Variants in TLR2 observed in about 807,000 individuals in gnomAD.
TLR2 encodes the protein toll like receptor 2.
A neutral mutation model predicts 9.1 loss-of-function variants in TLR2; 7 were observed. The observed-to-expected ratio is 0.77, with a 90% CI of 0.44 to 1.44. The LOEUF (loss-of-function observed/expected upper bound fraction) is 1.44. TLR2 is among the 40% of genes most tolerant of loss of function. The pLI is 0.01. For missense variants in TLR2, 812 were observed against 904.6 expected (o/e 0.90, Z 1.31); for synonymous variants, 317 against 344.6 (o/e 0.92, Z 0.89).
chr4:153,701,580 G>A (rs1736891553), intron 2 of TLR2: 1 of 152,140 alleles, frequency 6.6e-6, no homozygotes, highest in African/African-American at 2.4e-5. Flanking sequence ...TTTTGGAGAT[G>A]ATGAATATGT....
rs1579003434 is a variant in TLR2 at position 153,703,488 on chromosome 4, T to C, written c.581T>C (p.Leu194Ser). 1 of 1,613,744 alleles carries C rather than the reference T, an allele frequency of 6.2e-7. No homozygotes were observed. Residue 194 changes from leucine to serine, a missense_variant, in exon 3 of 3, where the codon TTG becomes TCG. Leu to Ser is a moderately radical substitution (Grantham distance 145). Transcript: ENST00000642700. ...CTACAGAGCTATGAGCCAAAAAGTT[T>C]GAAGTCAATTCAGAATGTAAGTCAT... ...SDLQSYEPKS[L>S]KSIQNVSHLI...
intron 2 of TLR2, among the ~76,000 whole-genome samples, chr4:153,700,163 C>T: frequency 6.6e-6 from 1 of 152,074 alleles, no homozygotes; most frequent in East Asian, 1.9e-4. Flanking sequence ...TGAAAACTAA[C>T]TTATTACCAT....
At position 153,703,944 on chromosome 4, in the gene TLR2, G is replaced by A. The variant is rs373770834; in HGVS notation, c.1037G>A (p.Ser346Asn). 1 of 1,612,018 alleles carries A rather than the reference G, an allele frequency of 6.2e-7. No individual in the cohort carries two copies. Among genetic ancestry groups the A allele is most frequent in the Non-Finnish European group, 8.5e-7 (1 of 1,179,488 alleles). The change falls in exon 3 of 3, where the codon AGT (serine) becomes AAT (asparagine). Residue 346 changes from serine (S) to asparagine (N), a missense_variant. Physicochemically the swap from Ser to Asn is conservative, Grantham distance 46. Transcript: ENST00000642700. ...GTTAAAAGAATCACAGTAGAAAACAGTAAAGTTTTTCTGGTTCCTTGTTTA... is the reference window on the plus strand; with the variant it reads ...GTTAAAAGAATCACAGTAGAAAACAATAAAGTTTTTCTGGTTCCTTGTTTA... ...ERVKRITVENSKVFLVPCLLS... is the reference protein window; with the variant it reads ...ERVKRITVENNKVFLVPCLLS...
chr4:153,690,340 T>A (rs1215174282), intron 2 of TLR2, among the ~76,000 whole-genome samples: 1 of 152,262 alleles, frequency 6.6e-6, no homozygotes, highest in Non-Finnish European at 1.5e-5. Context: ...CTTTCTACAA[T>A]GGTTTGTCCT....
intron 2 of TLR2, among the ~76,000 whole-genome samples, chr4:153,688,882 C>CT (rs943285626): frequency 6.6e-6 from 1 of 152,210 alleles, no homozygotes. Context: ...ACATGTCCCC[C>CT]TTTTTTGTTT....
At chr4:153,701,720 A>G (rs928153854) in intron 2 of TLR2, 2 of 143,988 alleles carry the variant, frequency 1.4e-5, no homozygotes, top group Non-Finnish European at 3.0e-5. Flanking sequence ...AAAGCTAAGG[A>G]AAAAAAAAAG....
At chr4:153,687,135 GA>G (rs1240396588) in intron 1 of TLR2, among the ~76,000 whole-genome samples, 2 of 151,956 alleles carry the variant, frequency 1.3e-5, no homozygotes, top group Non-Finnish European at 2.9e-5. Flanking sequence ...AATGACTTAT[GA>G]AAAAAATTAC....
downstream of TLR2, among the ~76,000 whole-genome samples, chr4:153,706,939 G>A (rs1200057219): frequency 1.3e-5 from 2 of 152,200 alleles, no homozygotes; most frequent in Non-Finnish European, 2.9e-5. Context: ...CTCTGGAGGG[G>A]TGTTGAGGGC....
At chr4:153,684,684 G>A (rs1047839413) in intron 1 of TLR2, among the ~76,000 whole-genome samples, 1 of 152,222 alleles carries the variant, frequency 6.6e-6, no homozygotes, top group African/African-American at 2.4e-5. Context: ...GGGACCCCGC[G>A]CGTGCAGTGC....
chr4:153,684,533 C>G (rs978426873), intron 1 of TLR2, among the ~76,000 whole-genome samples, 173 bp downstream of exon 1: 3 of 152,220 alleles, frequency 2.0e-5, no homozygotes, highest in Non-Finnish European at 2.9e-5. Context: ...GGGAAGCGCA[C>G]CAGGCCCCCG....
At chr4:153,708,974 T>A (rs1278710483), downstream of TLR2, among the ~76,000 whole-genome samples, 1 of 152,118 alleles carries the variant, frequency 6.6e-6, no homozygotes, top group Admixed American at 6.5e-5. Flanking sequence ...GCTTTTGCAT[T>A]CAGCTGTAAA....
chr4:153,704,588 A>C lies in TLR2; in HGVS notation c.1681A>C (p.Asn561His), dbSNP rs747695706. Reference protein sequence around the residue: ...LAKVLIDWPANYLCDSPSHVR... With the variant: ...LAKVLIDWPAHYLCDSPSHVR... Reference sequence around the variant, plus strand: ...CAAAGTCTTGATTGATTGGCCAGCAAATTACCTGTGTGACTCTCCATCCCA... The same window carrying C: ...CAAAGTCTTGATTGATTGGCCAGCACATTACCTGTGTGACTCTCCATCCCA... Residue 561 changes from asparagine (N) to histidine (H), a missense_variant, in exon 3 of 3, where the codon AAT becomes CAT. Physicochemically the swap from Asn to His is moderately conservative, Grantham distance 68. Transcript: ENST00000642700. 2 of 1,613,370 alleles carry C rather than the reference A, an allele frequency of 1.2e-6. No individual in the cohort carries two copies. The highest frequency in any genetic ancestry group is 2.2e-5 in the South Asian group (2 of 91,060).
At chr4:153,685,096 AC>A (rs1560732928) in intron 1 of TLR2, among the ~76,000 whole-genome samples, 3 of 151,846 alleles carry the variant, frequency 2.0e-5, no homozygotes, top group African/African-American at 7.3e-5. Flanking sequence ...CCCAAGTCTG[AC>A]CTCTGCTCCC....
intron 2 of TLR2, among the ~76,000 whole-genome samples, chr4:153,692,118 G>C (rs1374015420): frequency 6.6e-6 from 1 of 152,156 alleles, no homozygotes; most frequent in East Asian, 1.9e-4. Flanking sequence ...TATGCTGCAG[G>C]TTTTTTACTG....
downstream of TLR2, among the ~76,000 whole-genome samples, chr4:153,706,871 A>G (rs1238100062): frequency 6.6e-6 from 1 of 152,184 alleles, no homozygotes; most frequent in African/African-American, 2.4e-5. Flanking sequence ...AGATACTGAG[A>G]GTATGAAATG....
At chr4:153,694,072 T>C (rs918601609) in intron 2 of TLR2, among the ~76,000 whole-genome samples, 5 of 152,242 alleles carry the variant, frequency 3.3e-5, no homozygotes, top group Non-Finnish European at 1.5e-5. Flanking sequence ...CACGTATTTA[T>C]TGACAGCAAG....
rs762567323 is a variant in TLR2 at position 153,705,355 on chromosome 4, C to T, written c.*93C>T. 2.0e-5 allele frequency: 26 copies of T among 1,301,718 alleles called. No individual in the cohort carries two copies. Among genetic ancestry groups the T allele is most frequent in the African/African-American group, 4.5e-5 (3 of 66,746 alleles). The allele number at this position is 1,301,718 out of a possible 1,614,324, so 80.6% of individuals were successfully genotyped here. A position where few individuals can be genotyped will look rare whatever the true frequency, so the allele number is the denominator to read the frequency against. ...TTCAGACATAATTATATAAAAACTACGTGGATGTACCGTCATTTGAGGACT... is the reference window on the plus strand; with the variant it reads ...TTCAGACATAATTATATAAAAACTATGTGGATGTACCGTCATTTGAGGACT... On this transcript the variant is annotated 3_prime_UTR_variant, in exon 3 of 3. Transcript: ENST00000642700.
downstream of TLR2, among the ~76,000 whole-genome samples, chr4:153,709,801 C>T (rs549927504): frequency 1.3e-3 from 194 of 152,316 alleles, no homozygotes; most frequent in South Asian, 9.7e-3. Context: ...TTTGGCAGCT[C>T]CAGGAAACCC....
chr4:153,704,593 C>T lies in TLR2; in HGVS notation c.1686C>T (p.Tyr562=), dbSNP rs756601518. 6 of 1,613,772 alleles carry T rather than the reference C, an allele frequency of 3.7e-6. No individual in the cohort carries two copies. In the African/African-American group the frequency reaches 5.3e-5, roughly 14 times the overall value. ...TCTTGATTGATTGGCCAGCAAATTA[C>T]CTGTGTGACTCTCCATCCCATGTGC... ...AKVLIDWPAN[Y]LCDSPSHVRG... is the part of the protein sequence containing the mutation. Residue 562 remains tyrosine (Y), a synonymous_variant, in exon 3 of 3, where the codon TAC becomes TAT. Coordinates refer to ENST00000642700, the MANE Select transcript of TLR2 (RefSeq NM_001318789.2).
Sources: allele counts gnomAD v4.1 joint callset (sites outside exome capture counted in the v4.1 genomes callset), GRCh38; gene constraint gnomAD v4.1.1; transcripts MANE v1.5; gene names NCBI Gene and HGNC (gene_info 2026-07-23, HGNC 2026-07-21).